The following TTC34 variants were observed in gnomAD, a reference collection of about 807,000 sequenced individuals.
TTC34 encodes the protein tetratricopeptide repeat protein 34.
In TTC34, 44 loss-of-function variants were observed where a neutral mutation model predicts 40.7. That is an observed-to-expected ratio of 1.08 (90% CI 0.85 to 1.39). The LOEUF is 1.39. TTC34 is among the 40% of genes most tolerant of loss of function. TTC34 has a pLI of 0.00. For missense variants in TTC34, 884 were observed against 838.0 expected, an observed-to-expected ratio of 1.05 and a Z score of -0.68; for synonymous variants, 422 against 398.6, an observed-to-expected ratio of 1.06 and a Z score of -0.70.
chr1:2,767,754 C>T (rs2100476214), intron 6 of TTC34, among the ~76,000 whole-genome samples: 1 of 140,638 alleles, frequency 7.1e-6, no homozygotes, highest in East Asian at 2.3e-4. Flanking sequence ...CAGAATAAAG[C>T]AGCACCCTGC....
chr1:2,778,939 C>T (rs1643422685), intron 6 of TTC34, among the ~76,000 whole-genome samples: 1 of 152,170 alleles, frequency 6.6e-6, no homozygotes, highest in Non-Finnish European at 1.5e-5. Context: ...TGCCCCCAAC[C>T]CCAGGCACCC....
In TTC34 at chr1:2,796,473, A is replaced by C. The variant is rs1380718677; in HGVS notation, c.784+3571T>G. Among the ~76,000 whole-genome samples, 1 of 152,102 alleles carries C rather than the reference A, an allele frequency of 6.6e-6. No homozygotes were observed. Among genetic ancestry groups the C allele is most frequent in the South Asian group, 2.1e-4 (1 of 4,826 alleles). On this transcript the variant is annotated intron_variant, in intron 2 of 8. Coordinates refer to ENST00000401095, the Ensembl canonical transcript of TTC34. This position sits in a 1 kb window ranked among gnomAD's most constrained non-coding sequence, Gnocchi z 4.5. ...AATTCTTAGGGCAGGTGTTCCCTGT[A>C]CACACCAGAGCCACGGCAGACACAG...
chr1:2,779,749 T>C (rs1014324574), intron 6 of TTC34, among the ~76,000 whole-genome samples: 2 of 152,220 alleles, frequency 1.3e-5, no homozygotes, highest in African/African-American at 4.8e-5. Flanking sequence ...TGCTTGTTAT[T>C]TTCTTTTTAA....
exon 8 of TTC34, chr1:2,644,430 G>A (rs1303198413): frequency 6.5e-7 from 1 of 1,536,048 alleles, no homozygotes; most frequent in South Asian, 1.2e-5. Flanking sequence ...TGACGTTGGG[G>A]CACGGTGCAG....
chr1:2,688,174 G>A (rs1223817974), intron 6 of TTC34, among the ~76,000 whole-genome samples: 352 of 150,004 alleles, frequency 2.3e-3, no homozygotes, highest in African/African-American at 8.5e-3. Context: ...ACACCCCCAG[G>A]CGAGCATCGG....
chr1:2,789,569 G>C, exon 3 of TTC34: 2 of 1,484,956 alleles, frequency 1.3e-6, no homozygotes, highest in Non-Finnish European at 1.8e-6. Context: ...GGACGGCCCG[G>C]CGCGTGGAGA....
intron 6 of TTC34, among the ~76,000 whole-genome samples, chr1:2,772,772 C>A (rs1346843262): frequency 2.0e-5 from 1 of 50,900 alleles, no homozygotes; most frequent in Non-Finnish European, 4.1e-5. Flanking sequence ...CAGCACTCCA[C>A]ACCCCCAGGT....
intron 2 of TTC34, among the ~76,000 whole-genome samples, chr1:2,790,859 C>A (rs903440447): frequency 6.6e-6 from 1 of 152,230 alleles, no homozygotes; most frequent in Non-Finnish European, 1.5e-5. Context: ...GGGGACCCAG[C>A]CCTTCCCTCT....
At chr1:2,780,553 A>C (rs1359287374) in intron 6 of TTC34, among the ~76,000 whole-genome samples, 1 of 152,158 alleles carries the variant, frequency 6.6e-6, no homozygotes, top group African/African-American at 2.4e-5. Flanking sequence ...GTCTTGGTCA[A>C]ATCATTTGAC....
intron 2 of TTC34, among the ~76,000 whole-genome samples, chr1:2,792,763 A>T (rs1484623978): frequency 1.3e-5 from 2 of 152,160 alleles, no homozygotes; most frequent in Non-Finnish European, 2.9e-5. Context: ...AAGATTCTTC[A>T]TCTAACTTTC....
At position 2,751,962 on chromosome 1, in the gene TTC34, GC is replaced by G. The variant is rs1473257660; in HGVS notation, c.2226+31646del. 2.0e-3 allele frequency among the ~76,000 whole-genome samples: 148 copies of G among 72,730 alleles called. 28 individuals carry two copies. Among genetic ancestry groups the G allele is most frequent in the Non-Finnish European group, 2.0e-4 (8 of 39,630 alleles). 47.7% of individuals were successfully genotyped at this position (72,730 alleles called of 152,430 possible). On this transcript the variant is annotated intron_variant, in intron 6 of 8. Coordinates refer to ENST00000401095, the Ensembl canonical transcript of TTC34. Reference sequence around the variant, plus strand: ...TGAACATCGGAGAGTCTGGAGCAGCGCCCACACCCCCAGGCGAGCATTTGAC... The same window carrying G: ...TGAACATCGGAGAGTCTGGAGCAGCGCCACACCCCCAGGCGAGCATTTGAC...
intron 6 of TTC34, among the ~76,000 whole-genome samples, chr1:2,779,883 T>C (rs965789144): frequency 3.9e-5 from 6 of 152,220 alleles, no homozygotes; most frequent in Admixed American, 3.9e-4. Flanking sequence ...TATATCTTTT[T>C]TTGAGAAATG....
intron 2 of TTC34, among the ~76,000 whole-genome samples, chr1:2,791,129 C>A (rs1459796567): frequency 6.6e-6 from 1 of 152,132 alleles, no homozygotes; most frequent in South Asian, 2.1e-4. Flanking sequence ...GCACCCTCCC[C>A]GCGCACCTGC....
chr1:2,791,162 C>A (rs1188461535), intron 2 of TTC34, among the ~76,000 whole-genome samples: 2 of 151,988 alleles, frequency 1.3e-5, no homozygotes, highest in African/African-American at 4.8e-5. Flanking sequence ...TGTGTCTGAG[C>A]AAACGTGAAT....
intron 6 of TTC34, among the ~76,000 whole-genome samples, chr1:2,686,474 C>T (rs1449317729): frequency 1.5e-5 from 2 of 136,676 alleles, no homozygotes; most frequent in African/African-American, 3.1e-5. Flanking sequence ...TGGAACAGCA[C>T]CCACATGCCC....
intron 6 of TTC34, among the ~76,000 whole-genome samples, chr1:2,748,566 T>TCTAACAACCTGGAACAGCACCCAGGC (rs1641220689): frequency 4.3e-5 from 2 of 46,462 alleles, no homozygotes; most frequent in Admixed American, 2.0e-4. Flanking sequence ...CACACCACCA[T>TCTAACAACCTGGAACAGCACCCAGGC]GCGAGCATCT....
intron 6 of TTC34, among the ~76,000 whole-genome samples, chr1:2,686,814 C>T (rs1570815576): frequency 2.1e-5 from 3 of 140,178 alleles, no homozygotes; most frequent in African/African-American, 5.5e-5. Flanking sequence ...CCCAGGCGAG[C>T]ATCTGACAGC....
intron 4 of TTC34, 48 bp downstream of exon 4, chr1:2,787,433 G>T: frequency 7.0e-7 from 1 of 1,433,940 alleles, no homozygotes; most frequent in Non-Finnish European, 9.2e-7. Flanking sequence ...CCTCTTCCCA[G>T]CTGGGCCCAT....
intron 6 of TTC34, chr1:2,776,125 C>T (rs1267312928): frequency 7.2e-6 from 1 of 138,158 alleles, no homozygotes; most frequent in Non-Finnish European, 1.5e-5. Flanking sequence ...GCTCCCCGCC[C>T]TCAGGTGAGT....
Sources: gnomAD v4.1 joint callset for allele counts (sites outside exome capture counted in the v4.1 genomes callset) on GRCh38, gnomAD v4.1.1 for gene constraint, Gnocchi (gnomAD v3.1) non-coding constraint, MANE v1.5 for transcripts, NCBI Gene and HGNC (gene_info 2026-07-23, HGNC 2026-07-21) for gene names.